Variants in KCNH5 observed in about 807,000 individuals in gnomAD.
KCNH5 encodes the protein potassium voltage-gated channel subfamily H member 5, also known as voltage-gated delayed rectifier potassium channel KCNH5.
In KCNH5, 46 loss-of-function variants were observed where a neutral mutation model predicts 96.1. The observed-to-expected ratio is 0.48, with a 90% CI of 0.38 to 0.61. KCNH5 has a LOEUF of 0.61. Among genes scored for constraint, KCNH5 ranks in the 20% least tolerant of loss-of-function variants. The probability of loss-of-function intolerance (pLI) is 0.00; values close to 1 mark genes in which losing one functional copy is unlikely to be tolerated. For missense variants in KCNH5, 907 were observed against 1,225.8 expected (o/e 0.74, Z 3.88); for synonymous variants, 439 against 449.8 (o/e 0.98, Z 0.30).
intron 10 of KCNH5, among the ~76,000 whole-genome samples, chr14:62,737,331 G>A (rs555276806): frequency 6.6e-6 from 1 of 152,260 alleles, no homozygotes; most frequent in South Asian, 2.1e-4. Flanking sequence ...TCTATTGCAT[G>A]AATAGGTTAT....
At chr14:62,869,366 A>C (rs1595663176) in intron 7 of KCNH5, among the ~76,000 whole-genome samples, 1 of 147,122 alleles carries the variant, frequency 6.8e-6, no homozygotes, top group African/African-American at 2.5e-5. Context: ...TCCTTTGCCT[A>C]CTTTTTGATG....
chr14:62,909,932 T>C (rs1038424863), intron 7 of KCNH5, among the ~76,000 whole-genome samples: 1 of 152,162 alleles, frequency 6.6e-6, no homozygotes, highest in Non-Finnish European at 1.5e-5. Flanking sequence ...ATTATATGTA[T>C]TGGTTTTTTT....
At chr14:62,982,863 A>C (rs1890636051) in intron 5 of KCNH5, among the ~76,000 whole-genome samples, 1 of 152,192 alleles carries the variant, frequency 6.6e-6, no homozygotes, top group African/African-American at 2.4e-5. Flanking sequence ...TCAGTACCTC[A>C]GTTATGTTTT....
At chr14:62,826,408 A>ATG (rs71451280) in intron 8 of KCNH5, among the ~76,000 whole-genome samples, 52,509 of 141,774 alleles carry the variant, frequency 0.37, 9,679 homozygotes, top group South Asian at 0.52. Context: ...GCGTGCGTGC[A>ATG]TGTGTGTGTG....
intron 10 of KCNH5, among the ~76,000 whole-genome samples, chr14:62,746,239 A>G (rs1885373249): frequency 6.6e-6 from 1 of 152,226 alleles, no homozygotes; most frequent in African/African-American, 2.4e-5. Flanking sequence ...AATCCATGTA[A>G]TATCTGTATT....
rs372872099 is a variant in KCNH5 at position 62,707,729 on chromosome 14, C to T, written c.2746G>A (p.Glu916Lys). 12 of 1,609,202 alleles carry T rather than the reference C, an allele frequency of 7.5e-6. No individual in the cohort carries two copies. Among genetic ancestry groups the T allele is most frequent in the Non-Finnish European group, 1.0e-5 (12 of 1,175,996 alleles). The change falls in exon 11 of 11, where the codon GAA becomes AAA. Residue 916 changes from glutamate to lysine, a missense_variant. Glu to Lys is a moderately conservative substitution (Grantham distance 56). Transcript: ENST00000322893. Reference protein sequence around the residue: ...LQTTLQEVKHELKEDIQLLSC... With the variant: ...LQTTLQEVKHKLKEDIQLLSC... ...AGCAGCTGGATGTCCTCTTTGAGTT[C>T]GTGTTTGACTTCCTGCAGTGTGGTC...
intron 9 of KCNH5, among the ~76,000 whole-genome samples, chr14:62,783,071 CA>C (rs1886252111): frequency 3.9e-5 from 6 of 152,020 alleles, no homozygotes; most frequent in Admixed American, 2.6e-4. Flanking sequence ...TATGCAGCCA[CA>C]AGGTATCATA....
chr14:62,731,653 G>C (rs1885053337), intron 10 of KCNH5, among the ~76,000 whole-genome samples: 1 of 152,134 alleles, frequency 6.6e-6, no homozygotes, highest in South Asian at 2.1e-4. Context: ...TAGGAATTTT[G>C]TTACCTGAAC....
At chr14:62,956,141 G>T (rs1034659420) in intron 6 of KCNH5, among the ~76,000 whole-genome samples, 1 of 152,084 alleles carries the variant, frequency 6.6e-6, no homozygotes, top group Admixed American at 6.5e-5. Flanking sequence ...TCCCATCTCT[G>T]TCTATGCTGC....
intron 1 of KCNH5, among the ~76,000 whole-genome samples, chr14:63,033,104 G>GC (rs1201039759): frequency 1.3e-5 from 2 of 151,928 alleles, no homozygotes; most frequent in Non-Finnish European, 2.9e-5. Flanking sequence ...ATCATATCTT[G>GC]CGTCGACTAC....
chr14:62,708,955 T>C (rs1187936705), intron 10 of KCNH5, among the ~76,000 whole-genome samples: 5 of 152,310 alleles, frequency 3.3e-5, no homozygotes, highest in African/African-American at 1.2e-4. Context: ...TTTAATATTA[T>C]CCTCTGTTGG....
intron 4 of KCNH5, among the ~76,000 whole-genome samples, chr14:62,996,441 G>C (rs1890907334): frequency 6.6e-6 from 1 of 152,066 alleles, no homozygotes; most frequent in African/African-American, 2.4e-5. Flanking sequence ...TTTCACAATG[G>C]GGTCTGATTT....
At chr14:62,907,874 C>T (rs1889060310) in intron 7 of KCNH5, among the ~76,000 whole-genome samples, 2 of 152,112 alleles carry the variant, frequency 1.3e-5, no homozygotes, top group South Asian at 4.2e-4. Context: ...AGTGGATCAA[C>T]CAATAGTCGA....
At chr14:62,895,303 T>C (rs1222010201) in intron 7 of KCNH5, among the ~76,000 whole-genome samples, 2 of 152,140 alleles carry the variant, frequency 1.3e-5, no homozygotes, top group African/African-American at 4.8e-5. Flanking sequence ...AAGAACTCTA[T>C]TAGTCAATAA....
At chr14:62,961,871 CAAATGCAGAAGG>C in intron 6 of KCNH5, among the ~76,000 whole-genome samples, 1 of 141,144 alleles carries the variant, frequency 7.1e-6, no homozygotes, top group African/African-American at 2.7e-5. Context: ...GATGCAGATG[CAAATGCAGAAGG>C]AGATGGAGAT....
chr14:62,980,399 G>C (rs557893038), intron 6 of KCNH5, among the ~76,000 whole-genome samples: 1 of 152,296 alleles, frequency 6.6e-6, no homozygotes, highest in East Asian at 1.9e-4. Flanking sequence ...TATCATATGT[G>C]TCTTGAGAGG....
intron 8 of KCNH5, among the ~76,000 whole-genome samples, chr14:62,834,998 T>G (rs1352482712): frequency 6.6e-6 from 1 of 152,012 alleles, no homozygotes; most frequent in East Asian, 1.9e-4. Context: ...TATACTCTAC[T>G]GCTTGCAAAC....
intron 9 of KCNH5, among the ~76,000 whole-genome samples, chr14:62,787,196 C>T (rs550959132): frequency 2.6e-5 from 4 of 152,280 alleles, no homozygotes; most frequent in Non-Finnish European, 5.9e-5. Context: ...AAGTGCTACT[C>T]CAGCGAACAC....
chr14:62,993,356 A>T (rs540416239), intron 4 of KCNH5, among the ~76,000 whole-genome samples: 1 of 151,998 alleles, frequency 6.6e-6, no homozygotes, highest in Admixed American at 6.6e-5. Flanking sequence ...AAAAAATGAC[A>T]TTGGTATTTT....
Sources: allele counts gnomAD v4.1 joint callset (sites outside exome capture counted in the v4.1 genomes callset), GRCh38; gene constraint gnomAD v4.1.1; transcripts MANE v1.5; gene names NCBI Gene and HGNC (gene_info 2026-07-23, HGNC 2026-07-21).